The following ST6GALNAC3 variants were observed in gnomAD, a reference collection of about 807,000 sequenced individuals.
ST6GALNAC3 encodes the protein ST6 N-acetylgalactosaminide alpha-2,6-sialyltransferase 3, also known as alpha-N-acetylgalactosaminide alpha-2,6-sialyltransferase 3.
A neutral mutation model predicts 32.7 loss-of-function variants in ST6GALNAC3; 25 were observed. The observed-to-expected ratio is 0.76, with a 90% confidence interval of 0.56 to 1.07. The LOEUF (loss-of-function observed/expected upper bound fraction) is 1.07, where lower values mean the gene tolerates loss of function less well. Among genes scored for constraint, ST6GALNAC3 ranks in the 50% least tolerant of loss-of-function variants. ST6GALNAC3 has a pLI of 0.00. For missense variants in ST6GALNAC3, 355 were observed against 382.4 expected, an observed-to-expected ratio of 0.93 and a Z score of 0.60; for synonymous variants, 129 against 133.1, an observed-to-expected ratio of 0.97 and a Z score of 0.21.
chr1:76,167,799 G>A (rs1198903647), intron 1 of ST6GALNAC3, among the ~76,000 whole-genome samples: 1 of 152,050 alleles, frequency 6.6e-6, no homozygotes, highest in African/African-American at 2.4e-5. Flanking sequence ...ATTCTCTGAT[G>A]GTTGGTTGTA....
intron 1 of ST6GALNAC3, among the ~76,000 whole-genome samples, chr1:76,262,977 A>T (rs1413946305): frequency 1.3e-5 from 2 of 152,134 alleles, no homozygotes; most frequent in Admixed American, 1.3e-4. Flanking sequence ...GGCCGTATCT[A>T]TGAGGATTTT....
At chr1:76,251,546 C>T (rs1025895717) in intron 1 of ST6GALNAC3, among the ~76,000 whole-genome samples, 3 of 152,154 alleles carry the variant, frequency 2.0e-5, no homozygotes, top group Non-Finnish European at 4.4e-5. Flanking sequence ...TACATCCACT[C>T]TCTTTCCTCT....
At chr1:76,330,879 G>C (rs1647176138) in intron 2 of ST6GALNAC3, among the ~76,000 whole-genome samples, 1 of 152,130 alleles carries the variant, frequency 6.6e-6, no homozygotes, top group Non-Finnish European at 1.5e-5. Context: ...AATTGCTACA[G>C]GAATATTGAT....
chr1:76,164,056 T>TTGAGAAATAAGG (rs1553161213), intron 1 of ST6GALNAC3, among the ~76,000 whole-genome samples: 1 of 152,126 alleles, frequency 6.6e-6, no homozygotes, highest in African/African-American at 2.4e-5. Flanking sequence ...TCTAAGCCAA[T>TTGAGAAATAAGG]TGAGAAATAA....
At chr1:76,272,931 T>C (rs1284222205) in intron 1 of ST6GALNAC3, among the ~76,000 whole-genome samples, 1 of 152,204 alleles carries the variant, frequency 6.6e-6, no homozygotes, top group African/African-American at 2.4e-5. Context: ...CTAAGGTGGA[T>C]CAGTATTTGT....
chr1:76,608,688 A>G (rs1247343258), intron 3 of ST6GALNAC3, among the ~76,000 whole-genome samples: 1 of 150,608 alleles, frequency 6.6e-6, no homozygotes, highest in Non-Finnish European at 1.5e-5. Context: ...GTCTTTTTAT[A>G]ACCTGTTTAA....
At position 76,339,713 on chromosome 1, in the gene ST6GALNAC3, T is replaced by C. The variant is rs559044020; in HGVS notation, c.213+25714T>C. On this transcript the variant is annotated intron_variant, in intron 2 of 4. Transcript: ENST00000328299. ...ACTATGTGTCCACCATTCTAGGCAC[T>C]TGGGAGAGAGCAGTGGACCACAGAG... 3.7e-4 allele frequency among the ~76,000 whole-genome samples: 56 copies of C among 152,236 alleles called. 1 individual carries two copies. The highest frequency in any genetic ancestry group is 1.3e-3 in the African/African-American group (54 of 41,542).
intron 1 of ST6GALNAC3, among the ~76,000 whole-genome samples, chr1:76,190,121 T>G (rs914232783): frequency 1.5e-4 from 23 of 152,184 alleles, no homozygotes; most frequent in Non-Finnish European, 4.4e-5. Flanking sequence ...TAATGTAGTA[T>G]GTGACACTCA....
intron 2 of ST6GALNAC3, among the ~76,000 whole-genome samples, chr1:76,360,236 A>G (rs1486527325): frequency 6.6e-6 from 1 of 152,184 alleles, no homozygotes; most frequent in East Asian, 1.9e-4. Flanking sequence ...TGATTACTTC[A>G]TGCAGGGTCT....
intron 3 of ST6GALNAC3, among the ~76,000 whole-genome samples, chr1:76,543,500 A>T (rs1190420559): frequency 6.6e-6 from 1 of 152,234 alleles, no homozygotes; most frequent in East Asian, 1.9e-4. Context: ...ATCAGAAAAA[A>T]ATATGCAGAT....
chr1:76,514,297 A>T (rs1662042340), intron 3 of ST6GALNAC3, among the ~76,000 whole-genome samples: 1 of 152,058 alleles, frequency 6.6e-6, no homozygotes, highest in South Asian at 2.1e-4. Flanking sequence ...ATATTGCCAG[A>T]AGCTTTTTCT....
chr1:76,375,171 A>G (rs17098145), intron 2 of ST6GALNAC3, among the ~76,000 whole-genome samples: 6,838 of 152,236 alleles, frequency 0.045, 222 homozygotes, highest in African/African-American at 0.086. Context: ...TTATTTATCA[A>G]AGTTTACACA....
At chr1:76,236,640 C>T (rs1188041336) in intron 1 of ST6GALNAC3, among the ~76,000 whole-genome samples, 1 of 152,128 alleles carries the variant, frequency 6.6e-6, no homozygotes, top group African/African-American at 2.4e-5. Flanking sequence ...TTTTGATGTA[C>T]CTGAGGCTTC....
At chr1:76,183,850 G>T (rs1176636951) in intron 1 of ST6GALNAC3, among the ~76,000 whole-genome samples, 1 of 20,800 alleles carries the variant, frequency 4.8e-5, no homozygotes, top group East Asian at 1.7e-3. Flanking sequence ...TGTAGTGCAT[G>T]AATATATATA....
At chr1:76,506,207 G>T (rs1029526911) in intron 3 of ST6GALNAC3, among the ~76,000 whole-genome samples, 29 of 152,148 alleles carry the variant, frequency 1.9e-4, no homozygotes, top group African/African-American at 7.0e-4. Context: ...TCTACGTGGT[G>T]CAGGGAAAGC....
chr1:76,201,520 A>C (rs1333491245), intron 1 of ST6GALNAC3, among the ~76,000 whole-genome samples: 2 of 152,200 alleles, frequency 1.3e-5, no homozygotes, highest in Non-Finnish European at 2.9e-5. Context: ...TCACGTTGGA[A>C]ACTGAATGTA....
At chr1:76,617,964 A>G (rs372451055) in intron 3 of ST6GALNAC3, among the ~76,000 whole-genome samples, 1 of 152,238 alleles carries the variant, frequency 6.6e-6, no homozygotes, top group Non-Finnish European at 1.5e-5. Flanking sequence ...GTACATGACT[A>G]TGGCTGAAGT....
chr1:76,323,675 A>G (rs1647012945), intron 2 of ST6GALNAC3, among the ~76,000 whole-genome samples: 1 of 152,242 alleles, frequency 6.6e-6, no homozygotes, highest in Admixed American at 6.5e-5. Flanking sequence ...AAAGGCTAAT[A>G]AAGAAGGTAG....
rs564286315 is a variant in ST6GALNAC3 at position 76,378,535 on chromosome 1, G to A, written c.214-33473G>A. Among the ~76,000 whole-genome samples the A allele has an allele frequency of 2.0e-4, 31 of 151,958 alleles. No individual in the cohort carries two copies. The South Asian group carries it at 5.6e-3, about 28-fold the overall frequency. ...AAATTAGCTGAGCATGGTGGCATGC[G>A]CCTGTAATCCCAGCTACTCAGGAGG... On this transcript the variant is annotated intron_variant, in intron 2 of 4. Transcript: ENST00000328299.
Sources: allele counts gnomAD v4.1 joint callset (sites outside exome capture counted in the v4.1 genomes callset), GRCh38; gene constraint gnomAD v4.1.1; transcripts MANE v1.5; gene names NCBI Gene and HGNC (gene_info 2026-07-23, HGNC 2026-07-21).